THSD7B: variants seen among roughly 807,000 people sequenced by gnomAD.
The protein encoded by THSD7B is thrombospondin type-1 domain-containing protein 7B.
In THSD7B, 138 loss-of-function variants were observed where a neutral mutation model predicts 213.6. That is an observed-to-expected ratio of 0.65 (90% confidence interval 0.56 to 0.74). The LOEUF (loss-of-function observed/expected upper bound fraction) is 0.74. Among genes scored for constraint, THSD7B ranks in the 30% least tolerant of loss-of-function variants. The probability of loss-of-function intolerance (pLI) is 0.00; values close to 1 mark genes in which losing one functional copy is unlikely to be tolerated. For synonymous variants in THSD7B, 742 were observed against 687.0 expected (o/e 1.08, Z -1.25); for missense variants, 1,931 against 1,991.5 (o/e 0.97, Z 0.58).
At chr2:136,841,109 C>G (rs974294705) in intron 1 of THSD7B, among the ~76,000 whole-genome samples, 1 of 152,102 alleles carries the variant, frequency 6.6e-6, no homozygotes. Flanking sequence ...GAATTTCAAA[C>G]CCCATTTTAC....
At chr2:136,905,815 A>G (rs541142233) in intron 2 of THSD7B, among the ~76,000 whole-genome samples, 2 of 152,280 alleles carry the variant, frequency 1.3e-5, no homozygotes, top group East Asian at 1.9e-4. Context: ...CAAAAACAGA[A>G]CTCCAGGGAC....
At chr2:137,088,269 T>A (rs1687880826) in intron 3 of THSD7B, among the ~76,000 whole-genome samples, 1 of 150,880 alleles carries the variant, frequency 6.6e-6, no homozygotes, top group African/African-American at 2.4e-5. Context: ...AAAATTAAAT[T>A]TAAAAAAAGG....
intron 1 of THSD7B, among the ~76,000 whole-genome samples, chr2:136,790,868 G>A (rs896358245): frequency 4.6e-5 from 7 of 152,028 alleles, no homozygotes; most frequent in African/African-American, 9.7e-5. Flanking sequence ...AAAGAGGAGA[G>A]GGGAAACAGC....
intron 14 of THSD7B, among the ~76,000 whole-genome samples, chr2:137,445,836 A>G (rs533363990): frequency 1.3e-5 from 2 of 152,086 alleles, no homozygotes; most frequent in South Asian, 2.1e-4. Flanking sequence ...ATCATTACAC[A>G]TTGCATGCTT....
At chr2:136,802,218 T>C in intron 1 of THSD7B, among the ~76,000 whole-genome samples, 1 of 152,064 alleles carries the variant, frequency 6.6e-6, no homozygotes. Flanking sequence ...GGAGAAATTT[T>C]CAAAGCTGAC....
chr2:136,845,384 T>G (rs1682991027), intron 1 of THSD7B, among the ~76,000 whole-genome samples: 1 of 152,218 alleles, frequency 6.6e-6, no homozygotes, highest in Non-Finnish European at 1.5e-5. Flanking sequence ...CAGGGAAGGA[T>G]GAGAAGCCGT....
chr2:136,998,261 C>CAAAAAAAAAAAA (rs33931359), intron 2 of THSD7B, among the ~76,000 whole-genome samples: 146 of 97,898 alleles, frequency 1.5e-3, no homozygotes, highest in Middle Eastern at 6.3e-3. Context: ...ACTAAAAGGC[C>CAAAAAAAAAAAA]AAAAAAAAAA....
chr2:136,876,264 A>C (rs1457282341), intron 1 of THSD7B, among the ~76,000 whole-genome samples: 2 of 152,240 alleles, frequency 1.3e-5, no homozygotes, highest in African/African-American at 4.8e-5. Flanking sequence ...TATATATAGA[A>C]GACCACTCAT....
intron 3 of THSD7B, among the ~76,000 whole-genome samples, chr2:137,057,590 A>C (rs1687195314): frequency 6.6e-6 from 1 of 152,198 alleles, no homozygotes; most frequent in Non-Finnish European, 1.5e-5. Context: ...GTTCAATTTC[A>C]AATGTGGGAT....
At chr2:137,587,439 GCT>G (rs1342277483) in intron 17 of THSD7B, among the ~76,000 whole-genome samples, 4 of 152,286 alleles carry the variant, frequency 2.6e-5, no homozygotes, top group Non-Finnish European at 4.4e-5. Context: ...CAGCTTTTCT[GCT>G]CTGTTTTTTC....
intron 2 of THSD7B, among the ~76,000 whole-genome samples, chr2:136,915,905 A>G (rs1203996957): frequency 6.6e-6 from 1 of 152,252 alleles, no homozygotes; most frequent in Non-Finnish European, 1.5e-5. Flanking sequence ...TATAAGTTTC[A>G]GGTCTGTAAG....
At chr2:137,222,247 G>T (rs1328538669) in intron 7 of THSD7B, among the ~76,000 whole-genome samples, 1 of 151,996 alleles carries the variant, frequency 6.6e-6, no homozygotes. Flanking sequence ...CTCACTTATG[G>T]CAGGTATCTT....
intron 5 of THSD7B, among the ~76,000 whole-genome samples, chr2:137,128,046 T>A (rs912544187): frequency 6.6e-6 from 1 of 152,178 alleles, no homozygotes; most frequent in African/African-American, 2.4e-5. Flanking sequence ...TATGTAAATG[T>A]AATATTTTCT....
chr2:137,559,010 A>G (rs1459650540), intron 15 of THSD7B, among the ~76,000 whole-genome samples: 1 of 152,184 alleles, frequency 6.6e-6, no homozygotes, highest in Non-Finnish European at 1.5e-5. Context: ...CTTACAAGGG[A>G]TGTGAAGGAC....
intron 20 of THSD7B, among the ~76,000 whole-genome samples, chr2:137,624,311 T>A (rs1236714859): frequency 6.6e-6 from 1 of 152,178 alleles, no homozygotes; most frequent in Admixed American, 6.5e-5. Flanking sequence ...TCCTTACACC[T>A]TATACAAAAA....
chr2:137,353,020 G>T (rs1458249594), intron 12 of THSD7B, among the ~76,000 whole-genome samples: 1 of 151,950 alleles, frequency 6.6e-6, no homozygotes, highest in Non-Finnish European at 1.5e-5. Context: ...CTGGAAGATA[G>T]TAGAAATGTA....
intron 12 of THSD7B, among the ~76,000 whole-genome samples, chr2:137,385,117 C>A (rs1481781888): frequency 6.6e-6 from 1 of 152,128 alleles, no homozygotes; most frequent in Admixed American, 6.5e-5. Context: ...GCCACAGACA[C>A]CCAGGTGCCA....
At chr2:136,827,813 G>T (rs896367524) in intron 1 of THSD7B, among the ~76,000 whole-genome samples, 1 of 152,072 alleles carries the variant, frequency 6.6e-6, no homozygotes, top group Non-Finnish European at 1.5e-5. Flanking sequence ...GACACAGAGA[G>T]AGAAATATTA....
At chr2:137,541,953 A>G (rs961844089) in intron 15 of THSD7B, among the ~76,000 whole-genome samples, 5 of 151,798 alleles carry the variant, frequency 3.3e-5, no homozygotes, top group Non-Finnish European at 7.4e-5. Flanking sequence ...AGCCTCAGAA[A>G]TCTATGGGAC....
Sources: gnomAD v4.1 joint callset for allele counts (sites outside exome capture counted in the v4.1 genomes callset) on GRCh38, gnomAD v4.1.1 for gene constraint, MANE v1.5 for transcripts, NCBI Gene and HGNC (gene_info 2026-07-23, HGNC 2026-07-21) for gene names.